PANX1: variants seen among roughly 807,000 people sequenced by gnomAD.
PANX1 encodes pannexin-1.
Under a neutral mutation model 38.7 loss-of-function variants are expected in PANX1, and 30 were observed. The observed-to-expected ratio is 0.78, with a 90% CI of 0.58 to 1.05. PANX1 has a LOEUF of 1.05. Ranked by LOEUF, PANX1 falls within the 50% of genes least tolerant of loss-of-function variation. PANX1 has a pLI of 0.00. For synonymous variants in PANX1, 230 were observed against 212.2 expected (o/e 1.08, Z -0.73); for missense variants, 551 against 517.2 (o/e 1.07, Z -0.63).
At chr11:94,147,668 C>T (rs1188831815) in intron 1 of PANX1, among the ~76,000 whole-genome samples, 1 of 152,186 alleles carries the variant, frequency 6.6e-6, no homozygotes, top group African/African-American at 2.4e-5. Context: ...ATAAGCCTCG[C>T]AGGTTCCCTT....
At chr11:94,158,784 T>C (rs1946985693) in intron 2 of PANX1, among the ~76,000 whole-genome samples, 1 of 152,180 alleles carries the variant, frequency 6.6e-6, no homozygotes. Context: ...TCCAACACTA[T>C]GTTGAATAGG....
chr11:94,178,785 C>G (rs1169347577), intron 3 of PANX1, among the ~76,000 whole-genome samples, 193 bp downstream of exon 3: 1 of 152,148 alleles, frequency 6.6e-6, no homozygotes, highest in Admixed American at 6.5e-5. Flanking sequence ...CGCGACCCAT[C>G]CTACCCATTT....
intron 1 of PANX1, among the ~76,000 whole-genome samples, chr11:94,143,700 C>T (rs1041850205): frequency 6.6e-6 from 1 of 151,798 alleles, no homozygotes; most frequent in African/African-American, 2.4e-5. Context: ...ATTTATAGAA[C>T]ACTTACCTAA....
chr11:94,175,705 C>T (rs1947224705), intron 2 of PANX1: 1 of 979,398 alleles, frequency 1.0e-6, no homozygotes, highest in African/African-American at 1.8e-5. Flanking sequence ...GGGCACCCTT[C>T]TGATTGGGCA....
chr11:94,147,036 A>G (rs1307407663), intron 1 of PANX1, among the ~76,000 whole-genome samples: 1 of 152,204 alleles, frequency 6.6e-6, no homozygotes, highest in Non-Finnish European at 1.5e-5. Flanking sequence ...TTATATATGC[A>G]TAGAGAGAGA....
intron 1 of PANX1, among the ~76,000 whole-genome samples, chr11:94,148,765 A>ATGTG (rs1491185641): frequency 6.6e-6 from 1 of 152,190 alleles, no homozygotes; most frequent in African/African-American, 2.4e-5. Context: ...TTTTAAAATC[A>ATGTG]TGTGTATATG....
chr11:94,146,256 G>A (rs796530775), intron 1 of PANX1, among the ~76,000 whole-genome samples: 16 of 152,314 alleles, frequency 1.1e-4, no homozygotes, highest in African/African-American at 3.1e-4. Flanking sequence ...AAAGGATTAC[G>A]TGAGTCCATA....
chr11:94,155,878 T>C (rs1237155675), intron 2 of PANX1, among the ~76,000 whole-genome samples: 2 of 152,222 alleles, frequency 1.3e-5, no homozygotes, highest in African/African-American at 2.4e-5. Context: ...TTTGCATGGT[T>C]TAGTAGCCAA....
chr11:94,173,459 T>A (rs1037507628), intron 2 of PANX1, among the ~76,000 whole-genome samples: 2 of 151,590 alleles, frequency 1.3e-5, no homozygotes, highest in Non-Finnish European at 2.9e-5. Flanking sequence ...AAATTTCTCA[T>A]CTTCTCAGGT....
rs78409697 is a variant in PANX1 at position 94,129,179 on chromosome 11, C to G, written c.-134C>G. On this transcript the variant is annotated 5_prime_UTR_variant, in exon 1 of 5. Coordinates refer to ENST00000227638, the MANE Select transcript of PANX1 (RefSeq NM_015368.4). The stretch of plus-strand genomic sequence containing the variant: ...AGCCTGAGGCACCGAGACACAAAGG[C>G]AGGCGGGATGCGGGAGCAGGCAAAG... 1 of 656,944 alleles carries G rather than the reference C, an allele frequency of 1.5e-6. No homozygotes were observed. The highest frequency in any genetic ancestry group is 2.5e-6 in the Non-Finnish European group (1 of 403,758). The allele number at this position is 656,944 out of a possible 1,614,324, so 40.7% of individuals were successfully genotyped here.
intron 1 of PANX1, among the ~76,000 whole-genome samples, chr11:94,131,501 C>T (rs1266558074): frequency 1.3e-5 from 2 of 152,232 alleles, no homozygotes; most frequent in Non-Finnish European, 2.9e-5. Flanking sequence ...TAGAAGGTAT[C>T]TGTTAGCAGG....
At chr11:94,165,282 A>G (rs1171878389) in intron 2 of PANX1, among the ~76,000 whole-genome samples, 1 of 149,150 alleles carries the variant, frequency 6.7e-6, no homozygotes, top group Non-Finnish European at 1.5e-5. Flanking sequence ...TTGTGTATAA[A>G]TGATTTTTTT....
intron 1 of PANX1, among the ~76,000 whole-genome samples, chr11:94,148,959 A>C (rs1295248297): frequency 1.3e-5 from 2 of 151,994 alleles, no homozygotes; most frequent in Non-Finnish European, 2.9e-5. Flanking sequence ...GAGAGAGCTG[A>C]GTTGATATCC....
intron 2 of PANX1, among the ~76,000 whole-genome samples, chr11:94,158,179 C>T (rs1004126650): frequency 1.4e-4 from 22 of 152,138 alleles, no homozygotes; most frequent in African/African-American, 4.8e-4. Flanking sequence ...AGTCAGGTAG[C>T]ATGATGCCTC....
chr11:94,153,383 T>C (rs1405277198), intron 1 of PANX1, 108 bp from the exon 2 acceptor site: 4 of 1,093,484 alleles, frequency 3.7e-6, no homozygotes, highest in Non-Finnish European at 5.4e-6. Context: ...TGTCTCCACC[T>C]CCTGTCCTGG....
chr11:94,169,692 G>C (rs1591523239), intron 2 of PANX1, among the ~76,000 whole-genome samples: 1 of 151,646 alleles, frequency 6.6e-6, no homozygotes, highest in South Asian at 2.1e-4. Context: ...CCCACAGGGG[G>C]CTGGATTGGA....
At chr11:94,158,462 A>T (rs1277112172) in intron 2 of PANX1, among the ~76,000 whole-genome samples, 1 of 152,076 alleles carries the variant, frequency 6.6e-6, no homozygotes, top group East Asian at 1.9e-4. Context: ...GAGGTCCTTC[A>T]CATCCCTTGT....
At chr11:94,160,211 G>C (rs909318154) in intron 2 of PANX1, among the ~76,000 whole-genome samples, 2 of 152,166 alleles carry the variant, frequency 1.3e-5, no homozygotes, top group African/African-American at 4.8e-5. Flanking sequence ...CTGTTGATTT[G>C]GGGTGGACAG....
Position 94,129,991 on chromosome 11 carries a change from G to C in PANX1, c.181+498G>C, listed in dbSNP as rs141556194. Among the ~76,000 whole-genome samples, 540 of 152,296 alleles carry C rather than the reference G, an allele frequency of 3.5e-3. 4 individuals carry two copies. Among genetic ancestry groups the C allele is most frequent in the African/African-American group, 0.012 (501 of 41,560 alleles). The stretch of plus-strand genomic sequence containing the variant: ...ATCTTAGCTCTCTAGGGTTGTGAAT[G>C]ATAGGAAATATCTGCACTTGGCAGG... On this transcript the variant is annotated intron_variant, in intron 1 of 4. Transcript: ENST00000227638.
Sources: gnomAD v4.1 joint callset for allele counts (sites outside exome capture counted in the v4.1 genomes callset) on GRCh38, gnomAD v4.1.1 for gene constraint, MANE v1.5 for transcripts, NCBI Gene and HGNC (gene_info 2026-07-23, HGNC 2026-07-21) for gene names.